SSPN: variants seen among roughly 807,000 people sequenced by gnomAD.
SSPN encodes the protein K-ras oncogene-associated protein.
Under a neutral mutation model 19.1 loss-of-function variants are expected in SSPN, and 15 were observed. The observed-to-expected ratio is 0.78, with a 90% CI of 0.52 to 1.21. SSPN has a LOEUF of 1.21. Among genes scored for constraint, SSPN ranks in the 50% most tolerant of loss-of-function variants. The probability of loss-of-function intolerance (pLI) is 0.00; values close to 1 mark genes in which losing one functional copy is unlikely to be tolerated. For synonymous variants in SSPN, 147 were observed against 140.3 expected (o/e 1.05, Z -0.34); for missense variants, 291 against 314.0 (o/e 0.93, Z 0.55).
upstream of SSPN, among the ~76,000 whole-genome samples, chr12:26,193,703 A>G (rs1944802932): frequency 6.6e-6 from 1 of 152,208 alleles, no homozygotes; most frequent in African/African-American, 2.4e-5. Context: ...AGCTGACCAT[A>G]AACTTGCCTC....
intron 1 of SSPN, among the ~76,000 whole-genome samples, chr12:26,181,785 A>C (rs944961153): frequency 3.3e-5 from 5 of 152,222 alleles, no homozygotes; most frequent in African/African-American, 1.2e-4. Flanking sequence ...TGAGTGGAGG[A>C]TAGCACTGTG....
rs537957478 is a variant in SSPN at position 26,173,663 on chromosome 12, C to A, written c.-30-50630C>A. Among the ~76,000 whole-genome samples, 5 of 152,236 alleles carry A rather than the reference C, an allele frequency of 3.3e-5. No individual in the cohort carries two copies. The East Asian group carries it at 9.6e-4, about 29-fold the overall frequency. On this transcript the variant is annotated intron_variant, in intron 1 of 2. Coordinates refer to the SSPN transcript ENST00000538142. ...TAGGCAAATACATATGTTCAATCAT[C>A]GTCTTTTATAAGAAGCCTGTGGTAT...
intron 1 of SSPN, among the ~76,000 whole-genome samples, chr12:26,129,440 G>A (rs1944385707): frequency 6.6e-6 from 1 of 152,172 alleles, no homozygotes; most frequent in East Asian, 1.9e-4. Flanking sequence ...AAGAGTTAAT[G>A]TTGTCAGGCA....
intron 1 of SSPN, chr12:26,126,498 G>C (rs892440381): frequency 5.9e-5 from 9 of 152,264 alleles, no homozygotes; most frequent in Non-Finnish European, 8.8e-5. Context: ...GCGCAGCAGG[G>C]ACTGGGGCGC....
chr12:26,216,989 A>T (rs1488009344), intron 1 of SSPN, among the ~76,000 whole-genome samples: 1 of 139,696 alleles, frequency 7.2e-6, no homozygotes, highest in African/African-American at 2.7e-5. Context: ...CTTGTAGTAT[A>T]GTTTGAAGTC....
chr12:26,197,651 A>G (rs1944841720), intron 1 of SSPN, among the ~76,000 whole-genome samples: 2 of 152,258 alleles, frequency 1.3e-5, no homozygotes, highest in Non-Finnish European at 1.5e-5. Context: ...AAAACCATGC[A>G]ACTCAGAAAT....
At chr12:26,178,685 GC>G in intron 1 of SSPN, among the ~76,000 whole-genome samples, 2 of 152,304 alleles carry the variant, frequency 1.3e-5, no homozygotes, top group South Asian at 4.1e-4. Context: ...ACGTGCCTCA[GC>G]AGCACAGACA....
At chr12:26,122,851 G>A in intron 1 of SSPN, 1 of 1,573,824 alleles carries the variant, frequency 6.4e-7, no homozygotes, top group Non-Finnish European at 8.6e-7. Flanking sequence ...TGAGTCCGCT[G>A]GATGACGGGC....
intron 1 of SSPN, among the ~76,000 whole-genome samples, chr12:26,130,885 G>T (rs77698695): frequency 0.041 from 5,955 of 143,814 alleles, 148 homozygotes; most frequent in South Asian, 0.072. Context: ...ACTGAGCAAG[G>T]TCTCTTAAGG....
At chr12:26,185,340 T>C (rs1944746336) in intron 1 of SSPN, among the ~76,000 whole-genome samples, 1 of 152,064 alleles carries the variant, frequency 6.6e-6, no homozygotes, top group Non-Finnish European at 1.5e-5. Context: ...AAGTAAAAAA[T>C]AGTTGTTGAG....
intron 1 of SSPN, among the ~76,000 whole-genome samples, chr12:26,172,972 G>C (rs1944662726): frequency 6.6e-6 from 1 of 152,118 alleles, no homozygotes; most frequent in Non-Finnish European, 1.5e-5. Context: ...GCCCTGAGGA[G>C]AGTAAAGACA....
intron 2 of SSPN, 88 bp from the exon 3 acceptor site, chr12:26,230,623 G>C: frequency 6.8e-7 from 1 of 1,471,330 alleles, no homozygotes; most frequent in Non-Finnish European, 9.0e-7. Flanking sequence ...TGGGAGGGAA[G>C]AAAAAGAACA....
At chr12:26,131,555 C>CAATT (rs1944397586) in intron 1 of SSPN, among the ~76,000 whole-genome samples, 1 of 152,158 alleles carries the variant, frequency 6.6e-6, no homozygotes, top group Non-Finnish European at 1.5e-5. Flanking sequence ...ATGTAGCATA[C>CAATT]AATTGCTTTA....
At chr12:26,163,017 G>A (rs981349744) in intron 1 of SSPN, among the ~76,000 whole-genome samples, 17 of 149,082 alleles carry the variant, frequency 1.1e-4, no homozygotes, top group Non-Finnish European at 1.9e-4. Context: ...GCTTCAAGAC[G>A]TGTGTGCTTC....
intron 2 of SSPN, among the ~76,000 whole-genome samples, chr12:26,228,046 AATGAGGG>A (rs1183581190): frequency 6.6e-6 from 1 of 152,302 alleles, no homozygotes; most frequent in East Asian, 1.9e-4. Flanking sequence ...GCAGATTGAG[AATGAGGG>A]ATTATTGTCA....
chr12:26,124,541 C>T (rs2137390092), intron 1 of SSPN: 1 of 1,614,182 alleles, frequency 6.2e-7, no homozygotes, highest in Non-Finnish European at 8.5e-7. Flanking sequence ...TCGTTTCATG[C>T]TCCTTTTGGG....
chr12:26,133,278 C>T (rs887318776), intron 1 of SSPN, among the ~76,000 whole-genome samples: 7 of 152,216 alleles, frequency 4.6e-5, no homozygotes, highest in East Asian at 1.9e-4. Context: ...ACGAAGAATG[C>T]GGTGATCATT....
At chr12:26,184,830 T>C (rs1944742227) in intron 1 of SSPN, among the ~76,000 whole-genome samples, 1 of 152,140 alleles carries the variant, frequency 6.6e-6, no homozygotes, top group Non-Finnish European at 1.5e-5. Flanking sequence ...TTTTACATCA[T>C]AATGTAATAT....
chr12:26,209,384 T>A (rs1380681746), intron 1 of SSPN, among the ~76,000 whole-genome samples: 2 of 152,152 alleles, frequency 1.3e-5, no homozygotes, highest in African/African-American at 4.8e-5. Flanking sequence ...AATTTTAAAA[T>A]TAAGTTTGTT....
Sources: allele counts gnomAD v4.1 joint callset (sites outside exome capture counted in the v4.1 genomes callset), GRCh38; gene constraint gnomAD v4.1.1; transcripts MANE v1.5; gene names NCBI Gene and HGNC (gene_info 2026-07-23, HGNC 2026-07-21).